Variants in EXOC4 observed in about 807,000 individuals in gnomAD.
EXOC4 encodes the protein SEC8-like 1.
Under a neutral mutation model 107.2 loss-of-function variants are expected in EXOC4, and 71 were observed. That is an observed-to-expected ratio of 0.66 (90% CI 0.55 to 0.81). The LOEUF (loss-of-function observed/expected upper bound fraction) is 0.81. Ranked by LOEUF, EXOC4 falls within the 30% of genes least tolerant of loss-of-function variation. The pLI, the probability that EXOC4 is intolerant of heterozygous loss-of-function variation, is 0.00. For missense variants in EXOC4, 1,108 were observed against 1,189.6 expected (o/e 0.93, Z 1.01); for synonymous variants, 456 against 441.2 (o/e 1.03, Z -0.42).
At chr7:134,056,691 T>C (rs180935258) in intron 17 of EXOC4, among the ~76,000 whole-genome samples, 19 of 152,232 alleles carry the variant, frequency 1.2e-4, no homozygotes, top group Non-Finnish European at 2.4e-4. Context: ...AATTATCTGA[T>C]GTAGCAGAGA....
At chr7:133,339,422 A>G in intron 5 of EXOC4, among the ~76,000 whole-genome samples, 1 of 152,174 alleles carries the variant, frequency 6.6e-6, no homozygotes, top group South Asian at 2.1e-4. Context: ...TTTACAGTAT[A>G]GTTTGAAATC....
At chr7:133,778,827 A>G (rs1281499402) in intron 10 of EXOC4, among the ~76,000 whole-genome samples, 2 of 152,172 alleles carry the variant, frequency 1.3e-5, no homozygotes, top group African/African-American at 4.8e-5. Flanking sequence ...ATTTAGTTCT[A>G]CTAAAATGCT....
chr7:133,896,825 C>G (rs1799322358), intron 12 of EXOC4, among the ~76,000 whole-genome samples: 1 of 92,422 alleles, frequency 1.1e-5, no homozygotes, highest in Non-Finnish European at 2.0e-5. Flanking sequence ...GCCACCATGT[C>G]TGGCTATTTT....
At chr7:133,279,046 A>G (rs1372647579) in intron 2 of EXOC4, among the ~76,000 whole-genome samples, 1 of 149,216 alleles carries the variant, frequency 6.7e-6, no homozygotes, top group South Asian at 2.1e-4. Context: ...TTCAATTCCC[A>G]CCTATGAGTG....
intron 10 of EXOC4, among the ~76,000 whole-genome samples, chr7:133,670,108 G>A (rs1295756853): frequency 6.6e-6 from 1 of 152,158 alleles, no homozygotes; most frequent in Non-Finnish European, 1.5e-5. Context: ...TGGCGAGGGT[G>A]TTTCTTTGTG....
At chr7:133,324,613 G>A (rs1336220875) in intron 5 of EXOC4, among the ~76,000 whole-genome samples, 5 of 152,194 alleles carry the variant, frequency 3.3e-5, no homozygotes, top group Non-Finnish European at 7.3e-5. Context: ...AATTGCTGAG[G>A]AGTGCTTTAC....
intron 14 of EXOC4, among the ~76,000 whole-genome samples, chr7:133,963,382 G>T (rs986992850): frequency 2.0e-5 from 3 of 152,190 alleles, no homozygotes; most frequent in Non-Finnish European, 4.4e-5. Context: ...AAGTACTGTT[G>T]TAATACACTA....
At chr7:133,608,521 T>C (rs918865076) in intron 9 of EXOC4, among the ~76,000 whole-genome samples, 1 of 151,712 alleles carries the variant, frequency 6.6e-6, no homozygotes, top group African/African-American at 2.4e-5. Context: ...AAATGGTTGT[T>C]ATCTGAAGTA....
In EXOC4 at chr7:133,778,306, C is replaced by T. The variant is rs778355979; in HGVS notation, c.1515-39019C>T. ...GTCTGAGATATTATCTCATTTAAGA[C>T]TTCTCGGGTCAGGCATGGTGGGTCA... is the stretch of plus-strand genomic sequence containing the variant. On this transcript the variant is annotated intron_variant, in intron 10 of 17. Transcript: ENST00000253861. 3.1e-4 allele frequency among the ~76,000 whole-genome samples: 47 copies of T among 152,204 alleles called. 3 individuals are homozygous for T. The highest frequency in any genetic ancestry group is 2.9e-5 in the Non-Finnish European group (2 of 68,044).
At chr7:133,346,304 A>G (rs1056611267) in intron 5 of EXOC4, among the ~76,000 whole-genome samples, 5 of 152,096 alleles carry the variant, frequency 3.3e-5, no homozygotes, top group South Asian at 2.1e-4. Context: ...ATTACCCTGC[A>G]TGGGCCAAAT....
intron 11 of EXOC4, among the ~76,000 whole-genome samples, chr7:133,884,620 T>TGTGTGTGTGTGTGTGC (rs942323507): frequency 1.4e-5 from 2 of 142,330 alleles, no homozygotes; most frequent in African/African-American, 5.1e-5. Context: ...TGTGTGTGTG[T>TGTGTGTGTGTGTGTGC]GCGCGCGTGT....
chr7:134,095,588 C>T, the EXOC4 span, among the ~76,000 whole-genome samples: 3 of 151,954 alleles, frequency 2.0e-5, no homozygotes, highest in African/African-American at 2.4e-5. Context: ...AGGCTGCGGT[C>T]ACAAAAACTA....
intron 10 of EXOC4, among the ~76,000 whole-genome samples, chr7:133,679,665 A>G (rs75644161): frequency 6.6e-6 from 1 of 152,240 alleles, no homozygotes; most frequent in East Asian, 1.9e-4. Flanking sequence ...TTTTCCTCAT[A>G]AAGTGGTATG....
intron 17 of EXOC4, among the ~76,000 whole-genome samples, chr7:134,036,475 C>G (rs1020372763): frequency 6.6e-6 from 1 of 152,144 alleles, no homozygotes; most frequent in Non-Finnish European, 1.5e-5. Context: ...GTTGTCCCAG[C>G]TACTCAGGAG....
At chr7:133,298,270 G>A (rs1025194692) in intron 3 of EXOC4, among the ~76,000 whole-genome samples, 4 of 152,158 alleles carry the variant, frequency 2.6e-5, no homozygotes, top group Non-Finnish European at 5.9e-5. Flanking sequence ...AGCTGTGTAA[G>A]TGCTGAGCAT....
chr7:133,643,319 C>T (rs906416688), intron 10 of EXOC4, among the ~76,000 whole-genome samples: 13 of 152,100 alleles, frequency 8.5e-5, no homozygotes, highest in African/African-American at 2.7e-4. Flanking sequence ...AGGTCAGTCT[C>T]TCTTTTCACA....
intron 10 of EXOC4, among the ~76,000 whole-genome samples, chr7:133,745,716 T>A (rs1795661780): frequency 6.6e-6 from 1 of 151,294 alleles, no homozygotes; most frequent in African/African-American, 2.4e-5. Flanking sequence ...TACTCTTTTT[T>A]TTTTTTTTTT....
At chr7:133,343,014 T>C (rs1482553023) in intron 5 of EXOC4, among the ~76,000 whole-genome samples, 2 of 152,194 alleles carry the variant, frequency 1.3e-5, no homozygotes, top group African/African-American at 2.4e-5. Context: ...CTGAATTCTT[T>C]TTCTGTCAAT....
chr7:133,774,665 A>G (rs1487682536), intron 10 of EXOC4, among the ~76,000 whole-genome samples: 2 of 152,034 alleles, frequency 1.3e-5, no homozygotes, highest in Non-Finnish European at 2.9e-5. Flanking sequence ...TTCTTACCCT[A>G]TTTGTGCATA....
Sources: gnomAD v4.1 joint callset for allele counts (sites outside exome capture counted in the v4.1 genomes callset) on GRCh38, gnomAD v4.1.1 for gene constraint, MANE v1.5 for transcripts, NCBI Gene and HGNC (gene_info 2026-07-23, HGNC 2026-07-21) for gene names.